RAPH1: variants seen among roughly 807,000 people sequenced by gnomAD.
RAPH1 encodes the protein Ras association (RalGDS/AF-6) and pleckstrin homology domains 1, also known as ras-associated and pleckstrin homology domains-containing protein 1.
A neutral mutation model predicts 88.1 loss-of-function variants in RAPH1; 18 were observed. The ratio of observed to expected loss-of-function variants is 0.20; its 90% CI spans 0.14 to 0.30. The LOEUF is 0.30. Ranked by LOEUF, RAPH1 falls within the 10% of genes least tolerant of loss-of-function variation. The pLI is 1.00. For synonymous variants in RAPH1, 587 were observed against 559.0 expected, an observed-to-expected ratio of 1.05 and a Z score of -0.71; for missense variants, 1,448 against 1,543.2, an observed-to-expected ratio of 0.94 and a Z score of 1.03.
intron 1 of RAPH1, among the ~76,000 whole-genome samples, chr2:203,530,652 G>C (rs1285558070): frequency 1.3e-5 from 2 of 152,176 alleles, no homozygotes; most frequent in Non-Finnish European, 2.9e-5. Flanking sequence ...AGCACTTTGG[G>C]AAGCCGAGGT....
intron 1 of RAPH1, among the ~76,000 whole-genome samples, chr2:203,525,767 A>G (rs944484455): frequency 1.3e-5 from 2 of 152,092 alleles, no homozygotes; most frequent in African/African-American, 4.8e-5. Flanking sequence ...ACAGAGTGAG[A>G]CTCTGTCTCA....
In RAPH1 at chr2:203,448,890, C is replaced by A; in HGVS notation, c.1414-54G>T. On this transcript the variant is annotated intron_variant, in intron 10 of 13. Coordinates refer to ENST00000319170, the MANE Select transcript of RAPH1 (RefSeq NM_213589.3). The surrounding 1 kb of genome is among the most constrained non-coding windows in gnomAD (Gnocchi z 4.1). The stretch of plus-strand genomic sequence containing the variant: ...AGTCCCTTGGAGAACTAAAGAAAAA[C>A]AAACTTTATCAAAGCTTAAACATAT... 1 of 1,165,086 alleles carries A rather than the reference C, an allele frequency of 8.6e-7. No individual in the cohort carries two copies. The allele number at this position is 1,165,086 out of a possible 1,614,324, so 72.2% of individuals were successfully genotyped here.
intron 1 of RAPH1, among the ~76,000 whole-genome samples, chr2:203,504,986 T>C (rs1390030567): frequency 6.6e-6 from 1 of 152,180 alleles, no homozygotes; most frequent in Non-Finnish European, 1.5e-5. Context: ...ATCTTATTGT[T>C]CATATCACTA....
intron 1 of RAPH1, among the ~76,000 whole-genome samples, chr2:203,528,281 A>G (rs1315790755): frequency 6.6e-6 from 1 of 152,178 alleles, no homozygotes; most frequent in African/African-American, 2.4e-5. Context: ...GTCATCTTAA[A>G]ATACTCATAT....
At position 203,515,212 on chromosome 2, in the gene RAPH1, C is replaced by T. The variant is rs144988274; in HGVS notation, c.1-19859G>A. 6.6e-5 allele frequency among the ~76,000 whole-genome samples: 10 copies of T among 152,078 alleles called. No homozygotes were observed. In the East Asian group the frequency reaches 1.9e-3, roughly 29 times the overall value. On this transcript the variant is annotated intron_variant, in intron 1 of 13. Transcript: ENST00000319170. The stretch of plus-strand genomic sequence containing the variant: ...ACTTATAATTATCTTTTGTGTTAAC[C>T]TCTCAATAAAATTTAAGCAAAACTT...
chr2:203,440,435 G>A lies in RAPH1; in HGVS notation c.2755C>T (p.Pro919Ser). ...AACACCAGGCTGCTTTCAGGAGGGGGAGGAGGGAAGTCCGGAGAAGGGACT... is the reference window on the plus strand; with the variant it reads ...AACACCAGGCTGCTTTCAGGAGGGGAAGGAGGGAAGTCCGGAGAAGGGACT... Reference protein sequence around the residue: ...IPVPSPDFPPPPPESSLVFPP... With the variant: ...IPVPSPDFPPSPPESSLVFPP... The change falls in exon 14 of 14, where the codon CCC (proline) becomes TCC (serine). Residue 919 changes from proline to serine, a missense_variant. Around this residue, in one of 2 missense-constraint regions of RAPH1, gnomAD observed 935 missense variants for 890.1 expected, o/e 1.05. Transcript: ENST00000319170. 2 of 1,547,648 alleles carry A rather than the reference G, an allele frequency of 1.3e-6. No homozygotes were observed. The highest frequency in any genetic ancestry group is 1.7e-6 in the Non-Finnish European group (2 of 1,148,406).
rs2098496501 is a variant in RAPH1, at chr2:203,434,294, A to AC, written c.*5142dup. 1 of 152,514 alleles carries AC rather than the reference A, an allele frequency of 6.6e-6. No homozygotes were observed. The highest frequency in any genetic ancestry group is 2.4e-5 in the African/African-American group (1 of 41,396). 9.4% of individuals were successfully genotyped at this position (152,514 alleles called of 1,614,324 possible). ...AAAAGTATACTTCTACATTGTATCT[A>AC]CCTATGGCAAAGCTCCCACAGCCTA... On this transcript the variant is annotated 3_prime_UTR_variant, in exon 14 of 14. Coordinates refer to ENST00000319170, the MANE Select transcript of RAPH1 (RefSeq NM_213589.3).
At chr2:203,530,918 C>T (rs1690361790) in intron 1 of RAPH1, among the ~76,000 whole-genome samples, 1 of 151,676 alleles carries the variant, frequency 6.6e-6, no homozygotes, top group African/African-American at 2.4e-5. Context: ...TATATACACA[C>T]ATGCATACAT....
chr2:203,504,881 A>G (rs1688910877), intron 1 of RAPH1, among the ~76,000 whole-genome samples: 1 of 152,158 alleles, frequency 6.6e-6, no homozygotes, highest in Non-Finnish European at 1.5e-5. Context: ...CAGGGGCAAA[A>G]TGCCGCCAGT....
intron 4 of RAPH1, among the ~76,000 whole-genome samples, chr2:203,470,587 G>A (rs1363417075): frequency 6.6e-6 from 1 of 152,200 alleles, no homozygotes; most frequent in East Asian, 1.9e-4. Flanking sequence ...GGTAGTACAT[G>A]CAGACTGCAG....
rs71408937 is a variant in RAPH1, at chr2:203,434,040, A to ATATATATATATCTATC, written c.*5396_*5397insGATAGATATATATATA. On this transcript the variant is annotated 3_prime_UTR_variant, in exon 14 of 14. Transcript: ENST00000319170. ...GTAGTACTGAATATATCTCTCTCATATATCTATCTATCTATCTATATATAT... is the reference window on the plus strand; with the variant it reads ...GTAGTACTGAATATATCTCTCTCATATATATATATATCTATCTATCTATCTATCTATCTATATATAT... 1 of 145,398 alleles carries ATATATATATATCTATC rather than the reference A, an allele frequency of 6.9e-6. No individual in the cohort carries two copies. Among genetic ancestry groups the ATATATATATATCTATC allele is most frequent in the South Asian group, 2.2e-4 (1 of 4,582 alleles). 9.0% of individuals were successfully genotyped at this position (145,398 alleles called of 1,614,324 possible).
chr2:203,458,159 C>A (rs1424375112), intron 7 of RAPH1, among the ~76,000 whole-genome samples: 1 of 152,120 alleles, frequency 6.6e-6, no homozygotes. Context: ...ATCACGAGGT[C>A]AGAAGTTCAA....
Position 203,441,050 on chromosome 2 carries a change from GA to G in RAPH1, c.2139del (p.Pro715LeufsTer14). 1 of 1,135,680 alleles carries G rather than the reference GA, an allele frequency of 8.8e-7. No homozygotes were observed. The highest frequency in any genetic ancestry group is 1.2e-6 in the Non-Finnish European group (1 of 825,926). The allele number at this position is 1,135,680 out of a possible 1,614,324, so 70.4% of individuals were successfully genotyped here. A position where few individuals can be genotyped will look rare whatever the true frequency, so the allele number is the denominator to read the frequency against. On this transcript the variant is annotated frameshift_variant, in exon 14 of 14. Transcript: ENST00000319170. LOFTEE classifies it low-confidence loss of function (END_TRUNC). ...CCTGGGGTTGGGGGTGGAGGAGGGG[GA>G]GGGGGTGGTGGAACAACTCCATTGG... ...VPPNGVVPPP[P>X]PPPPPPTPGS...
At chr2:203,506,786 A>ATATATATCTATATCTATATCTATATC (rs1689047431) in intron 1 of RAPH1, among the ~76,000 whole-genome samples, 1 of 123,514 alleles carries the variant, frequency 8.1e-6, no homozygotes, top group Non-Finnish European at 1.6e-5. Flanking sequence ...ATATCTAGAT[A>ATATATATCTATATCTATATCTATATC]TATATATCTA....
chr2:203,452,045 G>A (rs1205684604), intron 10 of RAPH1, among the ~76,000 whole-genome samples: 1 of 152,194 alleles, frequency 6.6e-6, no homozygotes, highest in Non-Finnish European at 1.5e-5. Context: ...GGACTGTGAG[G>A]TGAATCAGCC....
intron 1 of RAPH1, among the ~76,000 whole-genome samples, chr2:203,505,100 C>A (rs1688922065): frequency 6.6e-6 from 1 of 152,208 alleles, no homozygotes; most frequent in Admixed American, 6.5e-5. Flanking sequence ...CAGCCTCTGC[C>A]TGTTACCCAG....
At chr2:203,487,466 C>T (rs1319757592) in intron 4 of RAPH1, among the ~76,000 whole-genome samples, 3 of 151,976 alleles carry the variant, frequency 2.0e-5, no homozygotes, top group South Asian at 2.1e-4. Context: ...CTGCAACCTC[C>T]GACTCCCTGG....
At chr2:203,495,374 T>C (rs1245445321) in intron 1 of RAPH1, 21 bp from the exon 2 acceptor site, 29 of 1,613,010 alleles carry the variant, frequency 1.8e-5, no homozygotes, top group Non-Finnish European at 2.4e-5. Flanking sequence ...GACATTTGTG[T>C]AGAATGAATA....
At chr2:203,441,462 A>G in intron 13 of RAPH1, 49 bp from the exon 14 acceptor site, 1 of 1,488,528 alleles carries the variant, frequency 6.7e-7, no homozygotes, top group Non-Finnish European at 8.9e-7. Context: ...CACAACAAAC[A>G]AAACAGTTAC....
Sources: gnomAD v4.1 joint callset for allele counts (sites outside exome capture counted in the v4.1 genomes callset) on GRCh38, gnomAD v4.1.1 for gene constraint, gnomAD v4.1.1 regional missense constraint, Gnocchi (gnomAD v3.1) non-coding constraint, MANE v1.5 for transcripts, NCBI Gene and HGNC (gene_info 2026-07-23, HGNC 2026-07-21) for gene names.